The following NAALADL2 variants were observed in gnomAD, a reference collection of about 807,000 sequenced individuals.
NAALADL2 encodes inactive N-acetylated-alpha-linked acidic dipeptidase-like protein 2.
NAALADL2 carries 76 observed loss-of-function variants against 87.2 expected under a neutral mutation model. That is an observed-to-expected ratio of 0.87 (90% CI 0.72 to 1.05). NAALADL2 has a LOEUF of 1.05. Ranked by LOEUF, NAALADL2 falls within the 50% of genes least tolerant of loss-of-function variation. The pLI, the probability that NAALADL2 is intolerant of heterozygous loss-of-function variation, is 0.00. For missense variants in NAALADL2, 1,089 were observed against 945.8 expected, an observed-to-expected ratio of 1.15 and a Z score of -1.99; for synonymous variants, 354 against 331.0, an observed-to-expected ratio of 1.07 and a Z score of -0.75.
chr3:175,779,738 C>T (rs1202757574), intron 13 of NAALADL2, among the ~76,000 whole-genome samples: 1 of 152,142 alleles, frequency 6.6e-6, no homozygotes, highest in African/African-American at 2.4e-5. Context: ...TCAAGACAGG[C>T]TGCTGTGGAA....
At chr3:174,550,635 A>T (rs1712011022) in exon 2 of NAALADL2, 1 of 152,118 alleles carries the variant, frequency 6.6e-6, no homozygotes, top group African/African-American at 2.4e-5. Context: ...GATTAAAAAC[A>T]AGGTAGGTTT....
intron 2 of NAALADL2, among the ~76,000 whole-genome samples, chr3:175,143,250 A>AT (rs1026937537): frequency 9.2e-5 from 14 of 152,094 alleles, no homozygotes; most frequent in Admixed American, 2.6e-4. Flanking sequence ...CGTTCGCAAT[A>AT]TATTTCCCCA....
chr3:174,895,311 T>A, intron 1 of NAALADL2, among the ~76,000 whole-genome samples: 1 of 150,028 alleles, frequency 6.7e-6, no homozygotes, highest in African/African-American at 2.5e-5. Context: ...AGAGAGAAGA[T>A]CTAAAAAAAG....
At chr3:175,436,871 A>C (rs1209726587) in intron 5 of NAALADL2, among the ~76,000 whole-genome samples, 1 of 86,624 alleles carries the variant, frequency 1.2e-5, no homozygotes. Context: ...CCCATTTGTC[A>C]ATTTTGGCTT....
At chr3:174,658,447 C>A (rs1488781536) in intron 2 of NAALADL2, among the ~76,000 whole-genome samples, 1 of 152,006 alleles carries the variant, frequency 6.6e-6, no homozygotes, top group Non-Finnish European at 1.5e-5. Flanking sequence ...AGGTTTTTGG[C>A]TTATTTTTTA....
In NAALADL2 at chr3:175,132,571, C is replaced by A. The variant is rs1474666798; in HGVS notation, c.545+35280C>A. On this transcript the variant is annotated intron_variant, in intron 2 of 13. Transcript: ENST00000454872. ...GGCCGGGCGGGGGGGCTGACCCCCCCACCTCCCTCCCAGACGGGGCGGCTG... is the reference window on the plus strand; with the variant it reads ...GGCCGGGCGGGGGGGCTGACCCCCCAACCTCCCTCCCAGACGGGGCGGCTG... Among the ~76,000 whole-genome samples the A allele has an allele frequency of 2.0e-5, 2 of 101,620 alleles. 1 individual carries two copies. The highest frequency in any genetic ancestry group is 4.0e-5 in the Non-Finnish European group (2 of 49,754). 66.7% of individuals were successfully genotyped at this position (101,620 alleles called of 152,430 possible).
chr3:175,635,628 A>T (rs1233149765), intron 11 of NAALADL2, among the ~76,000 whole-genome samples: 1 of 152,136 alleles, frequency 6.6e-6, no homozygotes, highest in African/African-American at 2.4e-5. Flanking sequence ...ATTTTTGGTG[A>T]TAGTTGAGTT....
chr3:174,751,624 C>T (rs1359717474), intron 3 of NAALADL2, among the ~76,000 whole-genome samples: 1 of 146,918 alleles, frequency 6.8e-6, no homozygotes, highest in Non-Finnish European at 1.5e-5. Flanking sequence ...GATCGTGCCA[C>T]TGCACTCCAG....
chr3:174,849,389 T>A (rs1463660149), intron 3 of NAALADL2, among the ~76,000 whole-genome samples: 1 of 152,174 alleles, frequency 6.6e-6, no homozygotes, highest in African/African-American at 2.4e-5. Context: ...TCTTATTCTA[T>A]ATGCTTTTGT....
At chr3:174,454,943 A>G (rs902275615) in intron 1 of NAALADL2, among the ~76,000 whole-genome samples, 5 of 150,782 alleles carry the variant, frequency 3.3e-5, no homozygotes, top group Non-Finnish European at 7.4e-5. Flanking sequence ...CAATGAATCC[A>G]GGAGTTGTTT....
At chr3:174,675,118 C>A (rs1228759627) in intron 2 of NAALADL2, among the ~76,000 whole-genome samples, 1 of 151,930 alleles carries the variant, frequency 6.6e-6, no homozygotes, top group African/African-American at 2.4e-5. Flanking sequence ...TATTAAATTG[C>A]AATTATTGAG....
At chr3:174,556,084 G>A (rs9290503) in intron 2 of NAALADL2, among the ~76,000 whole-genome samples, 66,595 of 151,636 alleles carry the variant, frequency 0.44, 15,556 homozygotes, top group African/African-American at 0.61. Context: ...AGATGTTGGT[G>A]TAAAACCATA....
intron 1 of NAALADL2, among the ~76,000 whole-genome samples, chr3:175,094,111 G>A (rs1335296046): frequency 7.3e-6 from 1 of 137,392 alleles, no homozygotes; most frequent in East Asian, 2.2e-4. Context: ...CAAGCTCTAC[G>A]ATTCAATGTT....
At chr3:174,519,622 C>T (rs6793765) in intron 1 of NAALADL2, among the ~76,000 whole-genome samples, 19 of 151,956 alleles carry the variant, frequency 1.3e-4, no homozygotes, top group Admixed American at 1.1e-3. Flanking sequence ...TGAGCCACTA[C>T]GCCTGGCCAG....
At chr3:174,538,016 G>C (rs1159671567) in intron 1 of NAALADL2, among the ~76,000 whole-genome samples, 1 of 150,772 alleles carries the variant, frequency 6.6e-6, no homozygotes, top group Non-Finnish European at 1.5e-5. Flanking sequence ...TTACACAGAG[G>C]CTCTTAGTAT....
At chr3:175,655,892 A>T (rs1049341238) in intron 11 of NAALADL2, among the ~76,000 whole-genome samples, 3 of 152,160 alleles carry the variant, frequency 2.0e-5, no homozygotes, top group Non-Finnish European at 4.4e-5. Flanking sequence ...TAAAAAGAAA[A>T]AAAGTAATAC....
intron 2 of NAALADL2, among the ~76,000 whole-genome samples, chr3:175,131,799 G>T (rs1243073316): frequency 6.8e-6 from 1 of 146,444 alleles, no homozygotes; most frequent in East Asian, 2.1e-4. Context: ...CTCCCGGACG[G>T]GGGGCCTGGC....
intron 11 of NAALADL2, among the ~76,000 whole-genome samples, chr3:175,637,794 G>A (rs1728754209): frequency 6.6e-6 from 1 of 152,106 alleles, no homozygotes; most frequent in Non-Finnish European, 1.5e-5. Context: ...GTACTTCTTT[G>A]TAGCAAAACA....
chr3:175,501,748 T>G (rs899069249), intron 9 of NAALADL2, among the ~76,000 whole-genome samples: 10 of 152,084 alleles, frequency 6.6e-5, no homozygotes, highest in African/African-American at 2.4e-4. Flanking sequence ...TAGAAATGAC[T>G]AGTAGTGAAA....
Sources: allele counts gnomAD v4.1 joint callset (sites outside exome capture counted in the v4.1 genomes callset), GRCh38; gene constraint gnomAD v4.1.1; transcripts MANE v1.5; gene names NCBI Gene and HGNC (gene_info 2026-07-23, HGNC 2026-07-21).